The following PPARGC1A variants were observed in gnomAD, a reference collection of about 807,000 sequenced individuals.
PPARGC1A encodes the protein peroxisome proliferator-activated receptor gamma coactivator 1-alpha.
Under a neutral mutation model 88.7 loss-of-function variants are expected in PPARGC1A, and 25 were observed. The observed-to-expected ratio is 0.28, with a 90% CI of 0.21 to 0.39. PPARGC1A has a LOEUF of 0.39. PPARGC1A is among the 10% of genes least tolerant of loss of function. The probability of loss-of-function intolerance (pLI) is 1.00; values close to 1 mark genes in which losing one functional copy is unlikely to be tolerated. For synonymous variants in PPARGC1A, 363 were observed against 355.6 expected, an observed-to-expected ratio of 1.02 and a Z score of -0.24; for missense variants, 880 against 968.7, an observed-to-expected ratio of 0.91 and a Z score of 1.22.
the PPARGC1A span, among the ~76,000 whole-genome samples, chr4:23,917,376 C>CTTT: frequency 1.5e-5 from 2 of 132,534 alleles, no homozygotes. Context: ...TTCTTTCTTT[C>CTTT]TTTTTTTTTT....
At chr4:24,451,333 C>A in the PPARGC1A span, among the ~76,000 whole-genome samples, 1 of 152,306 alleles carries the variant, frequency 6.6e-6, no homozygotes, top group African/African-American at 2.4e-5. Context: ...CTCTGACTAT[C>A]CCTTTTTAGG....
the PPARGC1A span, among the ~76,000 whole-genome samples, chr4:23,911,556 A>G: frequency 6.6e-6 from 1 of 152,174 alleles, no homozygotes; most frequent in East Asian, 1.9e-4. Flanking sequence ...ATGAGTTTGA[A>G]GTATTTGCTC....
At chr4:24,425,338 C>G in the PPARGC1A span, among the ~76,000 whole-genome samples, 17 of 152,304 alleles carry the variant, frequency 1.1e-4, no homozygotes, top group Non-Finnish European at 2.4e-4. Flanking sequence ...TGAAATATTT[C>G]TGTAGAATCA....
At chr4:24,156,151 G>T in the PPARGC1A span, among the ~76,000 whole-genome samples, 1 of 152,042 alleles carries the variant, frequency 6.6e-6, no homozygotes, top group Non-Finnish European at 1.5e-5. Flanking sequence ...TCAAATCAAC[G>T]ACACAGCTGG....
chr4:23,817,516 GTA>G (rs1195492807), intron 7 of PPARGC1A, among the ~76,000 whole-genome samples: 2 of 152,034 alleles, frequency 1.3e-5, no homozygotes, highest in African/African-American at 2.4e-5. Context: ...TTTGACATAA[GTA>G]TATTTTTCTG....
rs752387695 is a variant in PPARGC1A, at chr4:23,884,853, C to T, written c.133G>A (p.Asp45Asn). 1.4e-5 allele frequency: 22 copies of T among 1,613,670 alleles called. No homozygotes were observed. The highest frequency in any genetic ancestry group is 5.3e-5 in the African/African-American group (4 of 74,880). The change falls in exon 2 of 13, where the codon GAC (aspartate) becomes AAC (asparagine). Residue 45 changes from aspartate to asparagine, a missense_variant. Asp to Asn is a conservative substitution (Grantham distance 23). Coordinates refer to ENST00000264867, the MANE Select transcript of PPARGC1A (RefSeq NM_013261.5). ...CCCAGAAAGCTGTCTGTATCCAAGT[C>T]GTTCACATCTAGTTCAGAAAGATCA... ...ELDLSELDVN[D>N]LDTDSFLGGL...
chr4:23,876,625 C>CT (rs1047471096), intron 2 of PPARGC1A, among the ~76,000 whole-genome samples: 5 of 152,100 alleles, frequency 3.3e-5, no homozygotes, highest in Non-Finnish European at 1.5e-5. Context: ...CTCCTTCCTC[C>CT]TCTCTGCCCT....
the PPARGC1A span, among the ~76,000 whole-genome samples, chr4:24,171,392 G>A: frequency 2.4e-3 from 371 of 151,756 alleles, 1 homozygote; most frequent in African/African-American, 8.5e-3. Flanking sequence ...GTAACAGAGC[G>A]AGACTCCATC....
At chr4:24,239,968 C>A in the PPARGC1A span, among the ~76,000 whole-genome samples, 1 of 152,070 alleles carries the variant, frequency 6.6e-6, no homozygotes, top group Admixed American at 6.5e-5. Flanking sequence ...CACCCGCTCT[C>A]CCACCCCAGG....
chr4:24,294,461 A>G, the PPARGC1A span, among the ~76,000 whole-genome samples: 1 of 152,312 alleles, frequency 6.6e-6, no homozygotes, highest in African/African-American at 2.4e-5. Context: ...CTTATCTATT[A>G]CTACAAATTA....
At chr4:24,471,307 A>AGC in the PPARGC1A span, among the ~76,000 whole-genome samples, 1 of 151,244 alleles carries the variant, frequency 6.6e-6, no homozygotes, top group Non-Finnish European at 1.5e-5. The surrounding 1 kb of genome is among the most constrained non-coding windows in gnomAD (Gnocchi z 5.4). Flanking sequence ...CAGACACGCG[A>AGC]GCGCGCGCGC....
chr4:24,377,906 G>T, the PPARGC1A span, among the ~76,000 whole-genome samples: 1 of 152,156 alleles, frequency 6.6e-6, no homozygotes, highest in Non-Finnish European at 1.5e-5. Flanking sequence ...TTAATACCTA[G>T]CTAACTCTCC....
At chr4:24,004,970 T>C in the PPARGC1A span, among the ~76,000 whole-genome samples, 1 of 152,150 alleles carries the variant, frequency 6.6e-6, no homozygotes, top group African/African-American at 2.4e-5. Flanking sequence ...CTAACTTACC[T>C]CATCCCTTTT....
the PPARGC1A span, among the ~76,000 whole-genome samples, chr4:24,243,466 C>CT: frequency 6.6e-6 from 1 of 152,128 alleles, no homozygotes; most frequent in Non-Finnish European, 1.5e-5. Flanking sequence ...CATTCATTTC[C>CT]TTTCCTACCC....
At chr4:24,389,489 A>C in the PPARGC1A span, among the ~76,000 whole-genome samples, 1 of 152,192 alleles carries the variant, frequency 6.6e-6, no homozygotes, top group Non-Finnish European at 1.5e-5. Flanking sequence ...TGGATATAAC[A>C]GTATTTATCC....
At chr4:24,147,734 T>A in the PPARGC1A span, among the ~76,000 whole-genome samples, 1 of 152,004 alleles carries the variant, frequency 6.6e-6, no homozygotes, top group Non-Finnish European at 1.5e-5. Flanking sequence ...GGGTATGCAG[T>A]CACATTGGTC....
the PPARGC1A span, among the ~76,000 whole-genome samples, chr4:24,372,805 T>C: frequency 6.6e-6 from 1 of 152,220 alleles, no homozygotes; most frequent in Non-Finnish European, 1.5e-5. Flanking sequence ...ATTTCATGGA[T>C]CCTTGTGAAG....
the PPARGC1A span, among the ~76,000 whole-genome samples, chr4:24,468,471 G>A: frequency 6.6e-6 from 1 of 152,080 alleles, no homozygotes; most frequent in Non-Finnish European, 1.5e-5. Context: ...TTTGCACATT[G>A]GCAAGTGGGT....
chr4:23,989,045 C>A, the PPARGC1A span, among the ~76,000 whole-genome samples: 2 of 150,628 alleles, frequency 1.3e-5, no homozygotes, highest in African/African-American at 4.9e-5. Flanking sequence ...CTCTAGGGAA[C>A]AAATCTTACA....
Sources: gnomAD v4.1 joint callset for allele counts (sites outside exome capture counted in the v4.1 genomes callset) on GRCh38, gnomAD v4.1.1 for gene constraint, Gnocchi (gnomAD v3.1) non-coding constraint, MANE v1.5 for transcripts, NCBI Gene and HGNC (gene_info 2026-07-23, HGNC 2026-07-21) for gene names.